RIMS3: variants seen among roughly 807,000 people sequenced by gnomAD.
RIMS3 encodes the protein regulating synaptic membrane exocytosis 3.
In RIMS3, 15 loss-of-function variants were observed where a neutral mutation model predicts 29.2. That is an observed-to-expected ratio of 0.51 (90% CI 0.34 to 0.79). The LOEUF is 0.79. Among genes scored for constraint, RIMS3 ranks in the 30% least tolerant of loss-of-function variants. The pLI is 0.01. For synonymous variants in RIMS3, 161 were observed against 170.1 expected (o/e 0.95, Z 0.41); for missense variants, 342 against 421.4 (o/e 0.81, Z 1.65).
chr1:40,671,777 G>A, the RIMS3 span, among the ~76,000 whole-genome samples: 2 of 61,616 alleles, frequency 3.2e-5, no homozygotes, highest in African/African-American at 1.3e-4. Context: ...TTTTTTTTTT[G>A]ATGGAGTCTC....
the RIMS3 span, among the ~76,000 whole-genome samples, chr1:40,686,763 T>C: frequency 7.9e-5 from 12 of 152,320 alleles, no homozygotes; most frequent in Admixed American, 1.3e-4. Context: ...CACCTCAGCA[T>C]TTGTATCCTC....
At chr1:40,661,617 C>T (rs926387371) in intron 1 of RIMS3, among the ~76,000 whole-genome samples, 1 of 152,228 alleles carries the variant, frequency 6.6e-6, no homozygotes, top group Non-Finnish European at 1.5e-5. Flanking sequence ...GATGTCAGCC[C>T]CCACACAACA....
At chr1:40,666,864 A>G (rs895153716), upstream of RIMS3, among the ~76,000 whole-genome samples, 1 of 152,112 alleles carries the variant, frequency 6.6e-6, no homozygotes, top group African/African-American at 2.4e-5. Flanking sequence ...ATCTCTACTA[A>G]AAATACAAAA....
At position 40,626,687 on chromosome 1, in the gene RIMS3, A is replaced by G; in HGVS notation, c.757T>C (p.Phe253Leu). ...GDYGRMDHKC[F>L]MGMAQIMLDE... Reference sequence around the variant, plus strand: ...AGCATGATCTGGGCCATGCCCATGAAGCACTTGTGGTCCATGCGGCCATAG... The same window carrying G: ...AGCATGATCTGGGCCATGCCCATGAGGCACTTGTGGTCCATGCGGCCATAG... Residue 253 changes from phenylalanine to leucine, a missense_variant, in exon 8 of 8, where the codon TTC (phenylalanine) becomes CTC (leucine). By Grantham distance (22) the Phe-to-Leu change is conservative (BLOSUM62 0). Coordinates refer to ENST00000372684, the MANE Select transcript of RIMS3 (RefSeq NM_014747.3). The G allele has an allele frequency of 6.2e-7, 1 of 1,614,180 alleles. No individual in the cohort carries two copies. Among genetic ancestry groups the G allele is most frequent in the Non-Finnish European group, 8.5e-7 (1 of 1,180,030 alleles).
Position 40,625,371 on chromosome 1 carries a change from C to G in RIMS3, c.*1146G>C, listed in dbSNP as rs951813452. On this transcript the variant is annotated 3_prime_UTR_variant, in exon 8 of 8. Coordinates refer to ENST00000372684, the MANE Select transcript of RIMS3 (RefSeq NM_014747.3). ...AGAGTCCGGAGCCAGGCTGCTGGAG[C>G]CCAGCTAAGTCTGAGCTCCCAGACA... 2 of 152,656 alleles carry G rather than the reference C, an allele frequency of 1.3e-5. No individual in the cohort carries two copies. Among genetic ancestry groups the G allele is most frequent in the Non-Finnish European group, 2.9e-5 (2 of 68,102 alleles). The allele number at this position is 152,656 out of a possible 1,614,324, so 9.5% of individuals were successfully genotyped here.
intron 1 of RIMS3, among the ~76,000 whole-genome samples, chr1:40,653,098 C>T (rs1014627001): frequency 3.9e-5 from 6 of 152,240 alleles, no homozygotes; most frequent in Middle Eastern, 3.4e-3. Flanking sequence ...AGTTTAGTCC[C>T]GATGGGTCTG....
chr1:40,660,560 T>G (rs1642337648), intron 1 of RIMS3, among the ~76,000 whole-genome samples: 1 of 151,680 alleles, frequency 6.6e-6, no homozygotes, highest in Non-Finnish European at 1.5e-5. Flanking sequence ...GTATTTTTTT[T>G]GTAGAGATGG....
rs1646418540 is a variant in RIMS3 at position 40,621,165 on chromosome 1, A to G, written c.*5352T>C. On this transcript the variant is annotated 3_prime_UTR_variant, in exon 8 of 8. Transcript: ENST00000372684. ...TAAGTTCCCTCTCTCCTCCCATCAG[A>G]GAACATTTCCTTTAGAATTCTCAGA... 1 of 152,206 alleles carries G rather than the reference A, an allele frequency of 6.6e-6. No homozygotes were observed. Among genetic ancestry groups the G allele is most frequent in the Non-Finnish European group, 1.5e-5 (1 of 68,038 alleles). 9.4% of individuals were successfully genotyped at this position (152,206 alleles called of 1,614,324 possible).
At position 40,629,296 on chromosome 1, in the gene RIMS3, G is replaced by T; in HGVS notation, c.549C>A (p.Pro183=). 1 of 1,614,078 alleles carries T rather than the reference G, an allele frequency of 6.2e-7. No homozygotes were observed. The highest frequency in any genetic ancestry group is 8.5e-7 in the Non-Finnish European group (1 of 1,179,946). Residue 183 remains proline (P), a synonymous_variant, in exon 6 of 8, where the codon CCC becomes CCA. Coordinates refer to ENST00000372684, the MANE Select transcript of RIMS3 (RefSeq NM_014747.3). ...VEVIEARGLT[P]KPGSKSLPAT... ...CTGGGAGGGATTTGGAGCCTGGTTT[G>T]GGGGTCAGGCCCCGAGCTTCAATCA... is the stretch of plus-strand genomic sequence containing the variant.
At position 40,635,829 on chromosome 1, in the gene RIMS3, C is replaced by G. The variant is rs1419404425; in HGVS notation, c.359+87G>C. On this transcript the variant is annotated intron_variant, in intron 4 of 7. Transcript: ENST00000372684. The surrounding 1 kb of genome is among the most constrained non-coding windows in gnomAD (Gnocchi z 4.1). ...CCAGACATTTTAGCTGGAAACAAAACAGGGAGGCTTTCCCACCCTGCCCAG... is the reference window on the plus strand; with the variant it reads ...CCAGACATTTTAGCTGGAAACAAAAGAGGGAGGCTTTCCCACCCTGCCCAG... 1.9e-6 allele frequency: 3 copies of G among 1,543,856 alleles called. No individual in the cohort carries two copies. In the East Asian group the frequency reaches 6.8e-5, roughly 35 times the overall value.
In RIMS3 at chr1:40,641,906, C is replaced by T; in HGVS notation, c.20G>A (p.Gly7Asp). The T allele has an allele frequency of 6.2e-7, 1 of 1,613,708 alleles. No individual in the cohort carries two copies. Among genetic ancestry groups the T allele is most frequent in the Non-Finnish European group, 8.5e-7 (1 of 1,179,740 alleles). The change falls in exon 3 of 8, where the codon GGT becomes GAT. Residue 7 changes from glycine to aspartate, a missense_variant. Physicochemically the swap from Gly to Asp is moderately conservative, Grantham distance 94. Coordinates refer to ENST00000372684, the MANE Select transcript of RIMS3 (RefSeq NM_014747.3). The stretch of plus-strand genomic sequence containing the variant: ...CCTGGAGGCCCCAGATGAGGCAGGA[C>T]CTGGCTCCCCGTTAAACATGGTCCC... Reference protein sequence around the residue: MFNGEPGPASSGASRNV... With the variant: MFNGEPDPASSGASRNV...
chr1:40,671,414 C>A, the RIMS3 span, among the ~76,000 whole-genome samples: 1 of 152,164 alleles, frequency 6.6e-6, no homozygotes, highest in African/African-American at 2.4e-5. Context: ...CCACCTAAAT[C>A]TCATGTCAAA....
At chr1:40,688,217 C>G in the RIMS3 span, among the ~76,000 whole-genome samples, 3 of 152,180 alleles carry the variant, frequency 2.0e-5, no homozygotes, top group African/African-American at 7.2e-5. Context: ...CCCGCCTCAG[C>G]CTCCCAAAGT....
the RIMS3 span, chr1:40,681,691 C>T: frequency 6.6e-6 from 1 of 152,254 alleles, no homozygotes; most frequent in East Asian, 1.9e-4. Flanking sequence ...AACCTTACTC[C>T]CTATTTAATA....
At chr1:40,632,619 T>A (rs1215772156) in intron 5 of RIMS3, among the ~76,000 whole-genome samples, 2 of 151,904 alleles carry the variant, frequency 1.3e-5, no homozygotes, top group Non-Finnish European at 2.9e-5. Flanking sequence ...TTTGCAACTC[T>A]GTGGAATTTT....
In RIMS3 at chr1:40,626,402, C is replaced by G; in HGVS notation, c.*115G>C. 1.0e-6 allele frequency: 1 copy of G among 978,608 alleles called. No homozygotes were observed. The highest frequency in any genetic ancestry group is 1.6e-6 in the Non-Finnish European group (1 of 635,972). 60.6% of individuals were successfully genotyped at this position (978,608 alleles called of 1,614,324 possible). A position where few individuals can be genotyped will look rare whatever the true frequency, so the allele number is the denominator to read the frequency against. On this transcript the variant is annotated 3_prime_UTR_variant, in exon 8 of 8. Transcript: ENST00000372684. ...CAGCTGGGATGAGCCCAGTAGCCAA[C>G]AGGCATGCAGCAGGACAAGGGGTCC...
chr1:40,639,316 C>T (rs760426937), intron 3 of RIMS3, among the ~76,000 whole-genome samples: 1 of 152,180 alleles, frequency 6.6e-6, no homozygotes, highest in East Asian at 1.9e-4. Context: ...CCTCTGGCAC[C>T]AGATGCTCCC....
intron 1 of RIMS3, among the ~76,000 whole-genome samples, chr1:40,655,315 T>A (rs1275457506): frequency 6.6e-6 from 1 of 151,898 alleles, no homozygotes; most frequent in Non-Finnish European, 1.5e-5. Context: ...GTGTTATACA[T>A]AGGAAGCAGA....
intron 7 of RIMS3, among the ~76,000 whole-genome samples, chr1:40,628,115 G>T (rs2148343162): frequency 6.6e-6 from 1 of 152,250 alleles, no homozygotes; most frequent in Non-Finnish European, 1.5e-5. Context: ...CCTATGTAAG[G>T]CTCCCTACAT....
Sources: gnomAD v4.1 joint callset for allele counts (sites outside exome capture counted in the v4.1 genomes callset) on GRCh38, gnomAD v4.1.1 for gene constraint, Gnocchi (gnomAD v3.1) non-coding constraint, MANE v1.5 for transcripts, NCBI Gene and HGNC (gene_info 2026-07-23, HGNC 2026-07-21) for gene names.